Variants in BCL2L13 observed in about 807,000 individuals in gnomAD.
BCL2L13 encodes the protein BCL2 like 13.
In BCL2L13, 13 loss-of-function variants were observed where a neutral mutation model predicts 25.8. The ratio of observed to expected loss-of-function variants is 0.50; its 90% CI spans 0.33 to 0.80. The LOEUF is 0.80. Ranked by LOEUF, BCL2L13 falls within the 30% of genes least tolerant of loss-of-function variation. The pLI, the probability that BCL2L13 is intolerant of heterozygous loss-of-function variation, is 0.02. For synonymous variants in BCL2L13, 244 were observed against 230.3 expected, an observed-to-expected ratio of 1.06 and a Z score of -0.54; for missense variants, 504 against 574.9, an observed-to-expected ratio of 0.88 and a Z score of 1.26.
Position 17,667,418 on chromosome 22 carries a change from G to A in BCL2L13, c.121+11586G>A, listed in dbSNP as rs188908768. On this transcript the variant is annotated intron_variant, in intron 2 of 6. Transcript: ENST00000317582. Reference sequence around the variant, plus strand: ...ACTCCTGACCTCATGTGATCTGCCCGCCTTGGCCTCCCAAAGTGCTGGAAT... The same window carrying A: ...ACTCCTGACCTCATGTGATCTGCCCACCTTGGCCTCCCAAAGTGCTGGAAT... Among the ~76,000 whole-genome samples, 1,048 of 152,232 alleles carry A rather than the reference G, an allele frequency of 6.9e-3. 16 individuals are homozygous for A. The highest frequency in any genetic ancestry group is 0.024 in the African/African-American group (1,015 of 41,522).
intron 1 of BCL2L13, among the ~76,000 whole-genome samples, chr22:17,652,580 AG>A (rs2058723437): frequency 6.6e-6 from 1 of 152,068 alleles, no homozygotes; most frequent in Non-Finnish European, 1.5e-5. Context: ...CTGGGACTAC[AG>A]GTGCATGTCA....
At position 17,633,288 on chromosome 22, in the gene BCL2L13, T is replaced by G. The variant is rs531945101; in HGVS notation, c.-650+4283T>G. Among the ~76,000 whole-genome samples, 3 of 152,308 alleles carry G rather than the reference T, an allele frequency of 2.0e-5. No individual in the cohort carries two copies. In the East Asian group the frequency reaches 5.8e-4, roughly 29 times the overall value. ...CTCAATTTTCTTCAGTTTTGCTGAT[T>G]CACCAAGGAACAGGCCAGGTCCTGT... On this transcript the variant is annotated intron_variant, in intron 1 of 6. Transcript: ENST00000399782.
At chr22:17,647,217 G>A (rs938790227) in intron 1 of BCL2L13, among the ~76,000 whole-genome samples, 2 of 151,508 alleles carry the variant, frequency 1.3e-5, no homozygotes, top group Admixed American at 6.6e-5. Flanking sequence ...CTTGTGATCC[G>A]CTCGCCTTGG....
intron 2 of BCL2L13, among the ~76,000 whole-genome samples, chr22:17,674,975 A>G (rs2059535712): frequency 1.3e-5 from 2 of 152,192 alleles, no homozygotes; most frequent in Admixed American, 6.6e-5. Context: ...AACAGATCAT[A>G]GATAGGTAAG....
At chr22:17,649,652 G>C (rs2058610758) in intron 1 of BCL2L13, among the ~76,000 whole-genome samples, 1 of 151,372 alleles carries the variant, frequency 6.6e-6, no homozygotes, top group African/African-American at 2.4e-5. Context: ...ACAGGCACCT[G>C]CCACCATGTC....
rs76114325 is a variant in BCL2L13, at chr22:17,672,124, G to A, written c.122-11090G>A. Among the ~76,000 whole-genome samples the A allele has an allele frequency of 6.6e-5, 10 of 152,260 alleles. No individual in the cohort carries two copies. The East Asian group carries it at 1.7e-3, about 26-fold the overall frequency. On this transcript the variant is annotated intron_variant, in intron 2 of 6. Coordinates refer to ENST00000317582, the MANE Select transcript of BCL2L13 (RefSeq NM_015367.4). ...GTCTATATGTTCAATGGACCTTTTT[G>A]ATTTGATTGTAATTATTTGGACTGC...
intron 3 of BCL2L13, chr22:17,684,739 A>ATT (rs754796363): frequency 0.01 from 3,358 of 323,346 alleles, 11 homozygotes; most frequent in Middle Eastern, 0.016. Flanking sequence ...AATTTTTTGT[A>ATT]TTTTTTTTTT....
chr22:17,695,942 A>T, intron 4 of BCL2L13, 199 bp from the exon 5 acceptor site: 1 of 485,096 alleles, frequency 2.1e-6, no homozygotes, highest in Non-Finnish European at 3.7e-6. Flanking sequence ...ACTATTTCCC[A>T]GGCATGCATC....
At chr22:17,704,874 C>T (rs571127616) in intron 6 of BCL2L13, among the ~76,000 whole-genome samples, 1 of 151,566 alleles carries the variant, frequency 6.6e-6, no homozygotes, top group East Asian at 1.9e-4. Flanking sequence ...TCTATAAATA[C>T]ACTGTGAGTT....
rs2061363241 is a variant in BCL2L13, at chr22:17,729,202, G to A, written c.*1668G>A. 6.6e-6 allele frequency: 1 copy of A among 152,086 alleles called. No homozygotes were observed. The highest frequency in any genetic ancestry group is 2.1e-4 in the South Asian group (1 of 4,822). The allele number at this position is 152,086 out of a possible 1,614,324, so 9.4% of individuals were successfully genotyped here. A position where few individuals can be genotyped will look rare whatever the true frequency, so the allele number is the denominator to read the frequency against. ...TGTTTTCAAATAAAATCTCCCTAAA[G>A]CAATATTTAAAAATTGGTCAAAACA... On this transcript the variant is annotated 3_prime_UTR_variant, in exon 7 of 7. Coordinates refer to ENST00000317582, the MANE Select transcript of BCL2L13 (RefSeq NM_015367.4).
rs116636359 is a variant in BCL2L13, at chr22:17,666,323, G to T, written c.121+10491G>T. ...CAAATAAACACATCATAGGGAATGG[G>T]GTATCCGTCCCCTCAACATTTATCC... On this transcript the variant is annotated intron_variant, in intron 2 of 6. Transcript: ENST00000317582. Among the ~76,000 whole-genome samples, 599 of 151,752 alleles carry T rather than the reference G, an allele frequency of 3.9e-3. 4 individuals carry two copies. The highest frequency in any genetic ancestry group is 0.014 in the African/African-American group (580 of 41,318).
chr22:17,707,733 T>C (rs1161738034), intron 6 of BCL2L13, among the ~76,000 whole-genome samples: 4 of 152,200 alleles, frequency 2.6e-5, no homozygotes, highest in African/African-American at 9.7e-5. Flanking sequence ...TTAGAAAATT[T>C]ACCAACGTAG....
rs778870152 is a variant in BCL2L13 at position 17,706,986 on chromosome 22, A to G, written c.600+4600A>G. On this transcript the variant is annotated intron_variant, in intron 6 of 6. Coordinates refer to ENST00000317582, the MANE Select transcript of BCL2L13 (RefSeq NM_015367.4). ...TTAATCTTTGTCATTTTCTCTTGAC[A>G]TGAAGCTTCTGATTTTAGAATAGGT... is the stretch of plus-strand genomic sequence containing the variant. 5.3e-5 allele frequency among the ~76,000 whole-genome samples: 8 copies of G among 152,354 alleles called. No individual in the cohort carries two copies. In the East Asian group the frequency reaches 1.5e-3, roughly 29 times the overall value.
At chr22:17,675,555 G>A (rs2059553672) in intron 2 of BCL2L13, among the ~76,000 whole-genome samples, 1 of 152,176 alleles carries the variant, frequency 6.6e-6, no homozygotes, top group African/African-American at 2.4e-5. Context: ...AGGAGTGTTA[G>A]TAGCTACAAG....
chr22:17,677,642 GGC>G, intron 2 of BCL2L13, among the ~76,000 whole-genome samples: 1 of 152,286 alleles, frequency 6.6e-6, no homozygotes, highest in East Asian at 1.9e-4. Context: ...GGGAGTCTGA[GGC>G]AGGTGGATCA....
At chr22:17,673,435 T>G (rs1198974254) in intron 2 of BCL2L13, among the ~76,000 whole-genome samples, 1 of 150,372 alleles carries the variant, frequency 6.7e-6, no homozygotes, top group Non-Finnish European at 1.5e-5. Context: ...TGGTGCGATC[T>G]CGGCTCACTG....
intron 6 of BCL2L13, among the ~76,000 whole-genome samples, chr22:17,715,335 C>A (rs2145787212): frequency 6.7e-6 from 1 of 149,264 alleles, no homozygotes; most frequent in South Asian, 2.2e-4. Flanking sequence ...GCATGCGCAA[C>A]CACTCCCGGC....
At chr22:17,726,636 G>GT in intron 6 of BCL2L13, 41 bp from the exon 7 acceptor site, 1 of 1,574,192 alleles carries the variant, frequency 6.4e-7, no homozygotes. Context: ...GTTTTAAATA[G>GT]TTACCATTCT....
At chr22:17,706,200 A>G (rs1170859318) in intron 6 of BCL2L13, among the ~76,000 whole-genome samples, 1 of 151,808 alleles carries the variant, frequency 6.6e-6, no homozygotes, top group African/African-American at 2.4e-5. Context: ...TTGCAGAGAG[A>G]GGTTTCACTA....
Sources: allele counts gnomAD v4.1 joint callset (sites outside exome capture counted in the v4.1 genomes callset), GRCh38; gene constraint gnomAD v4.1.1; transcripts MANE v1.5; gene names NCBI Gene and HGNC (gene_info 2026-07-23, HGNC 2026-07-21).